TMED2: variants seen among roughly 807,000 people sequenced by gnomAD.
TMED2 encodes transmembrane emp24 domain-containing protein 2.
Under a neutral mutation model 17.5 loss-of-function variants are expected in TMED2, and 3 were observed. The ratio of observed to expected loss-of-function variants is 0.17; its 90% CI spans 0.08 to 0.44. The LOEUF is 0.44. TMED2 is among the 20% of genes least tolerant of loss of function. The pLI, the probability that TMED2 is intolerant of heterozygous loss-of-function variation, is 0.99. For synonymous variants in TMED2, 95 were observed against 91.0 expected (o/e 1.04, Z -0.25); for missense variants, 149 against 254.8 (o/e 0.58, Z 2.83).
chr12:123,587,330 G>GT (rs1953358118), intron 2 of TMED2, among the ~76,000 whole-genome samples: 1 of 152,116 alleles, frequency 6.6e-6, no homozygotes, highest in Non-Finnish European at 1.5e-5. Flanking sequence ...GTTTCACCAT[G>GT]TTGGCCAGGG....
rs1485405584 is a variant in TMED2, at chr12:123,596,779, C to A, written c.*50C>A. ...CTCAGAATTCACTGTTTACCAAACA[C>A]CTTGGTCATAATAATGTCATTAGTT... is the stretch of plus-strand genomic sequence containing the variant. On this transcript the variant is annotated 3_prime_UTR_variant, in exon 4 of 4. Transcript: ENST00000262225. 2.0e-6 allele frequency: 3 copies of A among 1,529,698 alleles called. No homozygotes were observed. The highest frequency in any genetic ancestry group is 2.6e-6 in the Non-Finnish European group (3 of 1,139,670). The allele number at this position is 1,529,698 out of a possible 1,614,324, so 94.8% of individuals were successfully genotyped here. A position where few individuals can be genotyped will look rare whatever the true frequency, so the allele number is the denominator to read the frequency against.
chr12:123,588,106 T>C (rs980679691), intron 2 of TMED2, among the ~76,000 whole-genome samples: 4 of 152,102 alleles, frequency 2.6e-5, no homozygotes, highest in African/African-American at 9.7e-5. Context: ...TGTTCATTGC[T>C]CAGGTTACCA....
Position 123,584,723 on chromosome 12 carries a change from T to C in TMED2, c.87T>C (p.Ala29=). ...ATTTCGTTAGCATCGACGCCCATGC[T>C]GAAGAGTGCTTCTTTGAGCGGGTCA... ...SGYFVSIDAH[A]EECFFERVTS... The change falls in exon 1 of 4, where the codon GCT becomes GCC. Residue 29 remains alanine (A), a synonymous_variant. Coordinates refer to ENST00000262225, the MANE Select transcript of TMED2 (RefSeq NM_006815.4). 6.2e-7 allele frequency: 1 copy of C among 1,613,902 alleles called. No individual in the cohort carries two copies. The highest frequency in any genetic ancestry group is 8.5e-7 in the Non-Finnish European group (1 of 1,179,910).
At chr12:123,589,907 C>T (rs1953378878) in intron 2 of TMED2, among the ~76,000 whole-genome samples, 1 of 151,142 alleles carries the variant, frequency 6.6e-6, no homozygotes, top group Admixed American at 6.6e-5. Context: ...ATTGCTTGAG[C>T]CCAGGAATTT....
In TMED2 at chr12:123,584,611, G is replaced by A. The variant is rs772034878; in HGVS notation, c.-26G>A. The A allele has an allele frequency of 2.5e-5, 40 of 1,599,936 alleles. No individual in the cohort carries two copies. Among genetic ancestry groups the A allele is most frequent in the Non-Finnish European group, 3.2e-5 (38 of 1,176,594 alleles). On this transcript the variant is annotated 5_prime_UTR_variant, in exon 1 of 4. Transcript: ENST00000262225. ...GGCGGCTGTGGAGGCCGCAGTCCGG[G>A]TCCTGGCTTCGGCCTCAGCCCCACC...
intron 2 of TMED2, chr12:123,587,716 A>G (rs995766770): frequency 1.7e-6 from 2 of 1,178,230 alleles, no homozygotes; most frequent in Non-Finnish European, 2.2e-6. Flanking sequence ...TTCTAACCTC[A>G]GTTTGTTGGC....
chr12:123,592,108 C>T (rs1414460000), intron 3 of TMED2, among the ~76,000 whole-genome samples: 1 of 152,210 alleles, frequency 6.6e-6, no homozygotes, highest in Non-Finnish European at 1.5e-5. Flanking sequence ...GCCTGGAGAA[C>T]TCCCCTCATC....
In TMED2 at chr12:123,597,391, G is replaced by T. The variant is rs988818733; in HGVS notation, c.*662G>T. 3 of 152,202 alleles carry T rather than the reference G, an allele frequency of 2.0e-5. No homozygotes were observed. Among genetic ancestry groups the T allele is most frequent in the African/African-American group, 7.2e-5 (3 of 41,450 alleles). 9.4% of individuals were successfully genotyped at this position (152,202 alleles called of 1,614,324 possible). A position where few individuals can be genotyped will look rare whatever the true frequency, so the allele number is the denominator to read the frequency against. On this transcript the variant is annotated 3_prime_UTR_variant, in exon 4 of 4. Coordinates refer to ENST00000262225, the MANE Select transcript of TMED2 (RefSeq NM_006815.4). The stretch of plus-strand genomic sequence containing the variant: ...ACACAAGCAGCTAATAACCATTTCT[G>T]GGTTTCTGCCTAACCCCCTAATTGT...
intron 2 of TMED2, among the ~76,000 whole-genome samples, chr12:123,587,298 T>C (rs1044936313): frequency 6.6e-6 from 1 of 152,198 alleles, no homozygotes; most frequent in Non-Finnish European, 1.5e-5. Flanking sequence ...CGGCTAATTT[T>C]TGTATTTTTG....
intron 1 of TMED2, 142 bp downstream of exon 1, chr12:123,584,958 C>T: frequency 9.6e-7 from 1 of 1,043,062 alleles, no homozygotes; most frequent in South Asian, 1.7e-5. Flanking sequence ...GCCGCCACCC[C>T]CCGCCCCGCC....
chr12:123,598,253 G>A lies in TMED2; in HGVS notation c.*1524G>A, dbSNP rs1310652430. 5 of 151,992 alleles carry A rather than the reference G, an allele frequency of 3.3e-5. No homozygotes were observed. Among genetic ancestry groups the A allele is most frequent in the Non-Finnish European group, 5.9e-5 (4 of 68,004 alleles). 9.4% of individuals were successfully genotyped at this position (151,992 alleles called of 1,614,324 possible). Reference sequence around the variant, plus strand: ...TTTTCTGAGTATTTATACCTATTACGTCTGTTACTTTTTAATTCTATAAAC... The same window carrying A: ...TTTTCTGAGTATTTATACCTATTACATCTGTTACTTTTTAATTCTATAAAC... On this transcript the variant is annotated 3_prime_UTR_variant, in exon 4 of 4. Coordinates refer to ENST00000262225, the MANE Select transcript of TMED2 (RefSeq NM_006815.4).
Position 123,584,693 on chromosome 12 carries a change from G to A in TMED2, c.57G>A (p.Ser19=), listed in dbSNP as rs1886304172. The stretch of plus-strand genomic sequence containing the variant: ...TGGCCGCTCTCCTGGCCACGGTCTC[G>A]GGCTATTTCGTTAGCATCGACGCCC... The part of the protein sequence containing the change: ...VLLAALLATV[S]GYFVSIDAHA... Residue 19 remains serine, a synonymous_variant, in exon 1 of 4, where the codon TCG becomes TCA. Coordinates refer to ENST00000262225, the MANE Select transcript of TMED2 (RefSeq NM_006815.4). 6.2e-7 allele frequency: 1 copy of A among 1,613,584 alleles called. No homozygotes were observed. The highest frequency in any genetic ancestry group is 8.5e-7 in the Non-Finnish European group (1 of 1,179,858).
intron 3 of TMED2, among the ~76,000 whole-genome samples, chr12:123,593,363 C>T (rs533996096): frequency 6.6e-6 from 1 of 152,296 alleles, no homozygotes; most frequent in East Asian, 1.9e-4. Flanking sequence ...AGCGATTCTC[C>T]TGCCTCAGCC....
At chr12:123,585,269 A>G (rs193086497) in intron 1 of TMED2, among the ~76,000 whole-genome samples, 1 of 152,292 alleles carries the variant, frequency 6.6e-6, no homozygotes, top group East Asian at 1.9e-4. Context: ...ATTGATTAAA[A>G]TCGATTGAGG....
At position 123,596,748 on chromosome 12, in the gene TMED2, TC is replaced by T. The variant is rs1455215689; in HGVS notation, c.*22del. The T allele has an allele frequency of 7.6e-6, 12 of 1,586,994 alleles. No individual in the cohort carries two copies. The highest frequency in any genetic ancestry group is 1.0e-5 in the Non-Finnish European group (12 of 1,169,908). On this transcript the variant is annotated 3_prime_UTR_variant, in exon 4 of 4. Transcript: ENST00000262225. The stretch of plus-strand genomic sequence containing the variant: ...TGTTTAAAAAGCCTCTTCCTGATGA[TC>T]CCAACTCAGAATTCACTGTTTACCA...
chr12:123,595,038 G>A (rs1223668350), intron 3 of TMED2, among the ~76,000 whole-genome samples: 1 of 152,106 alleles, frequency 6.6e-6, no homozygotes, highest in Non-Finnish European at 1.5e-5. Context: ...AGACCAGCCT[G>A]ACCAACATGG....
At chr12:123,594,822 G>T (rs1246583317) in intron 3 of TMED2, among the ~76,000 whole-genome samples, 4 of 152,080 alleles carry the variant, frequency 2.6e-5, no homozygotes, top group Non-Finnish European at 5.9e-5. Flanking sequence ...AGGAGGTGGA[G>T]GTTGCAGTGA....
intron 3 of TMED2, among the ~76,000 whole-genome samples, chr12:123,593,356 G>A (rs755272738): frequency 6.6e-6 from 1 of 152,110 alleles, no homozygotes; most frequent in Non-Finnish European, 1.5e-5. Context: ...GGGTTCAAGC[G>A]ATTCTCCTGC....
In TMED2 at chr12:123,586,863, C is replaced by T. The variant is rs751438426; in HGVS notation, c.297C>T (p.Ser99=). ...TYKFCFSNRM[S]TMTPKIVMFT... ...AATTTTGTTTTAGTAACCGGATGTCCACCATGACTCCAAAAATAGTGATGT... is the reference window on the plus strand; with the variant it reads ...AATTTTGTTTTAGTAACCGGATGTCTACCATGACTCCAAAAATAGTGATGT... Residue 99 remains serine (S), a synonymous_variant, in exon 2 of 4, where the codon TCC becomes TCT. Transcript: ENST00000262225. 6.2e-7 allele frequency: 1 copy of T among 1,613,542 alleles called. No individual in the cohort carries two copies. Among genetic ancestry groups the T allele is most frequent in the Non-Finnish European group, 8.5e-7 (1 of 1,179,864 alleles).
Sources: allele counts gnomAD v4.1 joint callset (sites outside exome capture counted in the v4.1 genomes callset), GRCh38; gene constraint gnomAD v4.1.1; transcripts MANE v1.5; gene names NCBI Gene and HGNC (gene_info 2026-07-23, HGNC 2026-07-21).